Variants in WDR48 observed in about 807,000 individuals in gnomAD.
WDR48 encodes the protein WD repeat domain 48.
A neutral mutation model predicts 94.0 loss-of-function variants in WDR48; 22 were observed. The observed-to-expected ratio is 0.23, with a 90% CI of 0.17 to 0.33. WDR48 has a LOEUF of 0.33. WDR48 is among the 10% of genes least tolerant of loss of function. The pLI is 1.00. For missense variants in WDR48, 541 were observed against 813.8 expected (o/e 0.66, Z 4.08); for synonymous variants, 278 against 280.5 (o/e 0.99, Z 0.09).
chr3:39,080,742 T>A (rs2034492401), intron 11 of WDR48, among the ~76,000 whole-genome samples: 1 of 152,132 alleles, frequency 6.6e-6, no homozygotes, highest in Non-Finnish European at 1.5e-5. Flanking sequence ...GAGAAATCAT[T>A]TGAACAAGGA....
intron 11 of WDR48, 140 bp from the exon 12 acceptor site, chr3:39,084,015 G>A (rs1378216683): frequency 3.8e-6 from 2 of 526,104 alleles, no homozygotes; most frequent in African/African-American, 3.8e-5. Flanking sequence ...TTTTAAAAAA[G>A]GACCACATTC....
chr3:39,074,615 G>A (rs1305865869), intron 7 of WDR48, 111 bp from the exon 8 acceptor site: 8 of 1,069,844 alleles, frequency 7.5e-6, no homozygotes, highest in African/African-American at 6.3e-5. Context: ...CAGAAACACA[G>A]GTTAATAGAG....
intron 18 of WDR48, 164 bp downstream of exon 18, chr3:39,094,230 A>G: frequency 6.9e-7 from 1 of 1,442,576 alleles, no homozygotes; most frequent in East Asian, 2.5e-5. Context: ...TGCTGGGGAG[A>G]TTTTCAGAGA....
intron 18 of WDR48, 107 bp from the exon 19 acceptor site, chr3:39,094,541 G>A: frequency 6.4e-7 from 1 of 1,551,254 alleles, no homozygotes. Flanking sequence ...ACCAGGCATA[G>A]GGGAGGAGTG....
Position 39,094,242 on chromosome 3 carries a change from G to C in WDR48, c.1938+176G>C, listed in dbSNP as rs2035227401. The C allele has an allele frequency of 2.1e-6, 3 of 1,442,992 alleles. No individual in the cohort carries two copies. In the East Asian group the frequency reaches 7.6e-5, roughly 36 times the overall value. The allele number at this position is 1,442,992 out of a possible 1,614,324, so 89.4% of individuals were successfully genotyped here. ...TACTGCTGGGGAGATTTTCAGAGAA[G>C]GGATACATAGACAAATGTGGATGTG... On this transcript the variant is annotated intron_variant, in intron 18 of 18. Coordinates refer to ENST00000302313, the MANE Select transcript of WDR48 (RefSeq NM_020839.4).
At chr3:39,088,081 T>C in intron 14 of WDR48, 47 bp from the exon 15 acceptor site, 4 of 1,576,070 alleles carry the variant, frequency 2.5e-6, no homozygotes, top group Non-Finnish European at 3.5e-6. Context: ...AGAATCTGTA[T>C]TTTTAGCACT....
chr3:39,087,429 C>T (rs1209949587), intron 14 of WDR48, among the ~76,000 whole-genome samples: 4 of 152,112 alleles, frequency 2.6e-5, no homozygotes, highest in East Asian at 1.9e-4. Context: ...CCATGCTGGG[C>T]GATATAGCAA....
intron 14 of WDR48, 56 bp downstream of exon 14, chr3:39,085,666 G>A: frequency 6.9e-7 from 1 of 1,451,782 alleles, no homozygotes; most frequent in Non-Finnish European, 9.5e-7. Context: ...TACTTAAAAG[G>A]TACTTACTAA....
At chr3:39,053,900 C>A (rs2032671989) in intron 1 of WDR48, among the ~76,000 whole-genome samples, 1 of 152,156 alleles carries the variant, frequency 6.6e-6, no homozygotes, top group African/African-American at 2.4e-5. Flanking sequence ...TTTCACTGGT[C>A]AAAGTACAAA....
At chr3:39,055,198 C>T (rs1206296369) in intron 1 of WDR48, among the ~76,000 whole-genome samples, 1 of 152,122 alleles carries the variant, frequency 6.6e-6, no homozygotes, top group Admixed American at 6.5e-5. Flanking sequence ...GCTAAATAAT[C>T]AGTGGAGGCC....
intron 8 of WDR48, among the ~76,000 whole-genome samples, chr3:39,075,190 C>CTTTTTTTTTTTT (rs11353487): frequency 9.1e-6 from 1 of 110,492 alleles, no homozygotes; most frequent in Non-Finnish European, 1.8e-5. Flanking sequence ...TTGTGTTTTG[C>CTTTTTTTTTTTT]TTTTTTTTTT....
At chr3:39,094,574 G>C (rs775246652) in intron 18 of WDR48, 74 bp from the exon 19 acceptor site, 22 of 1,585,902 alleles carry the variant, frequency 1.4e-5, no homozygotes, top group Non-Finnish European at 1.7e-5. Context: ...CACCTGATGA[G>C]AGTCCCTGAG....
chr3:39,074,788 A>G lies in WDR48; in HGVS notation c.735A>G (p.Ile245Met), dbSNP rs1438913739. The G allele has an allele frequency of 6.2e-7, 1 of 1,614,094 alleles. No homozygotes were observed. The highest frequency in any genetic ancestry group is 8.5e-7 in the Non-Finnish European group (1 of 1,180,048). ...GGTCCCTTGGCCAGCAGAGATGTAT[A>G]GCAACATACCGAGTCCATGATGAAG... ...RLWSLGQQRCIATYRVHDEGV... is the reference protein window; with the variant it reads ...RLWSLGQQRCMATYRVHDEGV... Residue 245 changes from isoleucine to methionine, a missense_variant, in exon 8 of 19, where the codon ATA becomes ATG. Transcript: ENST00000302313.
At chr3:39,075,180 T>TG (rs2034151223) in intron 8 of WDR48, among the ~76,000 whole-genome samples, 1 of 145,490 alleles carries the variant, frequency 6.9e-6, no homozygotes, top group East Asian at 2.0e-4. Context: ...TGGGGCACTT[T>TG]TGTGTTTTGC....
chr3:39,056,110 C>A (rs1047417905), intron 1 of WDR48, among the ~76,000 whole-genome samples: 1 of 152,154 alleles, frequency 6.6e-6, no homozygotes, highest in Non-Finnish European at 1.5e-5. Flanking sequence ...AACATATCAG[C>A]ATATATAGTT....
chr3:39,091,988 G>A lies in WDR48; in HGVS notation c.1745+287G>A, dbSNP rs115442268. Reference sequence around the variant, plus strand: ...GGAGTTTGAGACCAGCCTGAGCAACGTAGTGAGACTCCTGTCTCTACAAAA... The same window carrying A: ...GGAGTTTGAGACCAGCCTGAGCAACATAGTGAGACTCCTGTCTCTACAAAA... On this transcript the variant is annotated intron_variant, in intron 17 of 18. Coordinates refer to ENST00000302313, the MANE Select transcript of WDR48 (RefSeq NM_020839.4). Among the ~76,000 whole-genome samples the A allele has an allele frequency of 7.0e-3, 1,070 of 152,270 alleles. 17 individuals are homozygous for A. Among genetic ancestry groups the A allele is most frequent in the African/African-American group, 0.024 (1,017 of 41,550 alleles).
At chr3:39,065,734 G>T (rs2033563379) in intron 2 of WDR48, 77 bp from the exon 3 acceptor site, 3 of 1,139,320 alleles carry the variant, frequency 2.6e-6, no homozygotes, top group Middle Eastern at 2.2e-4. Flanking sequence ...ATTAATTGAA[G>T]AATTTAACCA....
At chr3:39,086,417 C>T (rs2034812387) in intron 14 of WDR48, 1 of 152,206 alleles carries the variant, frequency 6.6e-6, no homozygotes, top group Non-Finnish European at 1.5e-5. Context: ...TTTGTTCTGG[C>T]TGTCAGATTC....
At chr3:39,083,261 C>T (rs933380241) in intron 11 of WDR48, among the ~76,000 whole-genome samples, 7 of 152,088 alleles carry the variant, frequency 4.6e-5, no homozygotes, top group South Asian at 2.1e-4. Context: ...AGGCAGGAAG[C>T]GGCGGAAACT....
Sources: gnomAD v4.1 joint callset for allele counts (sites outside exome capture counted in the v4.1 genomes callset) on GRCh38, gnomAD v4.1.1 for gene constraint, MANE v1.5 for transcripts, NCBI Gene and HGNC (gene_info 2026-07-23, HGNC 2026-07-21) for gene names.